The following ANKRD55 variants were observed in gnomAD, a reference collection of about 807,000 sequenced individuals.
ANKRD55 encodes the protein ankyrin repeat domain 55, also known as ankyrin repeat domain-containing protein 55.
A neutral mutation model predicts 60.6 loss-of-function variants in ANKRD55; 41 were observed. The observed-to-expected ratio is 0.68, with a 90% CI of 0.53 to 0.88. ANKRD55 has a LOEUF of 0.88. Among genes scored for constraint, ANKRD55 ranks in the 40% least tolerant of loss-of-function variants. The pLI, the probability that ANKRD55 is intolerant of heterozygous loss-of-function variation, is 0.00. For synonymous variants in ANKRD55, 264 were observed against 290.3 expected, an observed-to-expected ratio of 0.91 and a Z score of 0.92; for missense variants, 732 against 767.6, an observed-to-expected ratio of 0.95 and a Z score of 0.55.
intron 2 of ANKRD55, among the ~76,000 whole-genome samples, chr5:56,199,452 G>A (rs1474954280): frequency 3.9e-5 from 6 of 152,038 alleles, no homozygotes; most frequent in Admixed American, 1.3e-4. Context: ...AAAATGTCTG[G>A]TGACTTGCTT....
Position 56,126,987 on chromosome 5 carries a change from G to T in ANKRD55, c.732C>A (p.Ser244Arg), listed in dbSNP as rs375554059. 3.7e-6 allele frequency: 6 copies of T among 1,613,250 alleles called. No homozygotes were observed. In the African/African-American group the frequency reaches 8.0e-5, roughly 22 times the overall value. Reference sequence around the variant, plus strand: ...CTCTTGCCAGCTCATGAATAATATCGCTGAAGCCCGCTGCCGCTGCGATAT... The same window carrying T: ...CTCTTGCCAGCTCATGAATAATATCTCTGAAGCCCGCTGCCGCTGCGATAT... ...CVHIAAAAGFSDIIHELARVP... is the reference protein window; with the variant it reads ...CVHIAAAAGFRDIIHELARVP... The change falls in exon 8 of 12, where the codon AGC becomes AGA. Residue 244 changes from serine (S) to arginine (R), a missense_variant. Transcript: ENST00000341048.
chr5:56,178,759 T>G (rs1229251015), intron 3 of ANKRD55, among the ~76,000 whole-genome samples: 4 of 151,912 alleles, frequency 2.6e-5, no homozygotes, highest in African/African-American at 9.7e-5. Flanking sequence ...AGGAAAAGAC[T>G]CAATATAATA....
rs553169285 is a variant in ANKRD55, at chr5:56,195,558, C to T, written c.59-11924G>A. ...TCCCAGGTTCAAGCGATTCTCCTGC[C>T]TCAGCCTCCCGAGTAGCTGGGATTA... On this transcript the variant is annotated intron_variant, in intron 2 of 11. Coordinates refer to ENST00000341048, the MANE Select transcript of ANKRD55 (RefSeq NM_024669.3). Among the ~76,000 whole-genome samples, 3 of 152,288 alleles carry T rather than the reference C, an allele frequency of 2.0e-5. No homozygotes were observed. In the East Asian group the frequency reaches 5.8e-4, roughly 29 times the overall value.
chr5:56,213,942 A>G (rs1759741368), intron 2 of ANKRD55, among the ~76,000 whole-genome samples: 1 of 152,264 alleles, frequency 6.6e-6, no homozygotes, highest in Non-Finnish European at 1.5e-5. Flanking sequence ...ATAATTTATA[A>G]AGGAAAGATG....
intron 2 of ANKRD55, among the ~76,000 whole-genome samples, chr5:56,224,988 C>A (rs1298779593): frequency 2.0e-5 from 3 of 152,130 alleles, no homozygotes; most frequent in Admixed American, 6.6e-5. Flanking sequence ...TTTTATGAGG[C>A]CAGCATCAAC....
chr5:56,195,182 G>A (rs188484736), intron 2 of ANKRD55, among the ~76,000 whole-genome samples: 1 of 152,258 alleles, frequency 6.6e-6, no homozygotes, highest in East Asian at 1.9e-4. Context: ...TTCTAACAAC[G>A]CAGAATACCT....
chr5:56,100,948 T>C (rs1043796514), intron 11 of ANKRD55, among the ~76,000 whole-genome samples: 4 of 152,154 alleles, frequency 2.6e-5, no homozygotes, highest in East Asian at 1.9e-4. Flanking sequence ...AATGATAGAA[T>C]TGACACCATC....
At chr5:56,219,744 C>G (rs113485072) in intron 2 of ANKRD55, among the ~76,000 whole-genome samples, 1 of 152,314 alleles carries the variant, frequency 6.6e-6, no homozygotes, top group African/African-American at 2.4e-5. Flanking sequence ...AACCTTTGAC[C>G]TCAGTGCATC....
chr5:56,178,535 G>A (rs1758786979), intron 3 of ANKRD55, among the ~76,000 whole-genome samples: 1 of 149,942 alleles, frequency 6.7e-6, no homozygotes. Flanking sequence ...GTACAGCATT[G>A]TTCCTGTATG....
chr5:56,136,580 T>C (rs1227251732), intron 7 of ANKRD55, among the ~76,000 whole-genome samples: 1 of 152,168 alleles, frequency 6.6e-6, no homozygotes. Context: ...ACAGACCTTA[T>C]ACCTTTCACA....
intron 7 of ANKRD55, among the ~76,000 whole-genome samples, chr5:56,139,393 C>A (rs10040327): frequency 0.1 from 15,169 of 152,122 alleles, 802 homozygotes; most frequent in Middle Eastern, 0.13. Context: ...AGGCACCTCA[C>A]CAATTTTAAC....
At chr5:56,184,885 C>A (rs1011114319) in intron 2 of ANKRD55, among the ~76,000 whole-genome samples, 2 of 150,280 alleles carry the variant, frequency 1.3e-5, no homozygotes, top group South Asian at 4.2e-4. Flanking sequence ...CAGAGTGAGA[C>A]CTTGTCTTAA....
chr5:56,135,368 C>CTTTCTTCTTTCTTTCCTTCT (rs1757565767), intron 7 of ANKRD55, among the ~76,000 whole-genome samples: 4 of 49,190 alleles, frequency 8.1e-5, no homozygotes, highest in African/African-American at 3.2e-4. Context: ...TCTTTCTTTC[C>CTTTCTTCTTTCTTTCCTTCT]TTCTTTCTTT....
chr5:56,192,761 C>T (rs1759130798), intron 2 of ANKRD55: 14 of 1,185,716 alleles, frequency 1.2e-5, no homozygotes, highest in Non-Finnish European at 1.6e-5. Context: ...TTCTAGCCAA[C>T]GTAAAGATGA....
intron 7 of ANKRD55, chr5:56,137,009 C>A: frequency 2.9e-6 from 2 of 693,034 alleles, no homozygotes; most frequent in South Asian, 1.5e-5. Flanking sequence ...CCCAGAGAGC[C>A]CCACAAAATC....
chr5:56,170,257 C>T (rs1358132925), intron 5 of ANKRD55, among the ~76,000 whole-genome samples: 2 of 152,138 alleles, frequency 1.3e-5, no homozygotes, highest in Non-Finnish European at 2.9e-5. Flanking sequence ...TAGAAATGAT[C>T]TTATTTATTT....
At chr5:56,232,097 A>G (rs1014371496) in intron 2 of ANKRD55, among the ~76,000 whole-genome samples, 3 of 152,238 alleles carry the variant, frequency 2.0e-5, no homozygotes, top group Non-Finnish European at 4.4e-5. Context: ...TTTCATGTTT[A>G]TACTAAAAAA....
At chr5:56,168,655 C>T (rs1056807157) in intron 5 of ANKRD55, among the ~76,000 whole-genome samples, 6 of 152,118 alleles carry the variant, frequency 3.9e-5, no homozygotes, top group African/African-American at 1.2e-4. Context: ...TTTCAGACAT[C>T]GATGTGGGTC....
rs770422457 is a variant in ANKRD55 at position 56,111,369 on chromosome 5, C to G, written c.1379G>C (p.Ser460Thr). 1 of 1,614,156 alleles carries G rather than the reference C, an allele frequency of 6.2e-7. No individual in the cohort carries two copies. Among genetic ancestry groups the G allele is most frequent in the Non-Finnish European group, 8.5e-7 (1 of 1,180,048 alleles). ...CTGGGCCATATGATGAGGAGCAGAG[C>G]TCAGGCCTGCATGGGAAGTGGCCCT... ...SHRATSHAGL[S>T]SAPHHMAQRS... is the part of the protein sequence containing the mutation. Residue 460 changes from serine (S) to threonine (T), a missense_variant, in exon 10 of 12, where the codon AGC becomes ACC. Ser to Thr is a moderately conservative substitution (Grantham distance 58). Transcript: ENST00000341048.
Sources: allele counts gnomAD v4.1 joint callset (sites outside exome capture counted in the v4.1 genomes callset), GRCh38; gene constraint gnomAD v4.1.1; transcripts MANE v1.5; gene names NCBI Gene and HGNC (gene_info 2026-07-23, HGNC 2026-07-21).